The following FUZ variants were observed in gnomAD, a reference collection of about 807,000 sequenced individuals.
The protein encoded by FUZ is protein fuzzy homolog.
Under a neutral mutation model 43.1 loss-of-function variants are expected in FUZ, and 31 were observed. The ratio of observed to expected loss-of-function variants is 0.72; its 90% CI spans 0.54 to 0.97. The LOEUF is 0.97. Ranked by LOEUF, FUZ falls within the 50% of genes least tolerant of loss-of-function variation. The pLI is 0.00. For missense variants in FUZ, 539 were observed against 543.8 expected, an observed-to-expected ratio of 0.99 and a Z score of 0.09; for synonymous variants, 274 against 250.0, an observed-to-expected ratio of 1.10 and a Z score of -0.91.
intron 10 of FUZ, among the ~76,000 whole-genome samples, chr19:49,807,705 G>T (rs942245187): frequency 6.6e-6 from 1 of 152,120 alleles, no homozygotes; most frequent in African/African-American, 2.4e-5. Context: ...GAGCCCACCC[G>T]CCCCACTGTA....
chr19:49,810,594 G>A (rs1432854675), intron 5 of FUZ, among the ~76,000 whole-genome samples: 1 of 148,528 alleles, frequency 6.7e-6, no homozygotes, highest in Non-Finnish European at 1.5e-5. Context: ...CAGGGGAATC[G>A]TTTGAACCCA....
At chr19:49,813,293 A>G, upstream of FUZ, 1 of 695,720 alleles carries the variant, frequency 1.4e-6, no homozygotes, top group East Asian at 2.7e-5. Flanking sequence ...CTATTCAGGC[A>G]CCTCCCCCAA....
chr19:49,808,682 T>A, intron 8 of FUZ, 35 bp downstream of exon 8: 1 of 1,605,900 alleles, frequency 6.2e-7, no homozygotes. Context: ...GAAGAGGACA[T>A]GACCCCCGAC....
chr19:49,812,483 G>C lies in FUZ; in HGVS notation c.233+132C>G, dbSNP rs951719465. On this transcript the variant is annotated intron_variant, in intron 2 of 10. Coordinates refer to ENST00000313777, the MANE Select transcript of FUZ (RefSeq NM_025129.5). ...ATAGAGAACATCAGGGATCAAAGAG[G>C]GTAACTGGCTTGCTAAAGATCCCAT... is the stretch of plus-strand genomic sequence containing the variant. The C allele has an allele frequency of 6.5e-6, 9 of 1,386,308 alleles. No homozygotes were observed. In the East Asian group the frequency reaches 1.8e-4, roughly 28 times the overall value. 85.9% of individuals were successfully genotyped at this position (1,386,308 alleles called of 1,614,324 possible). A position where few individuals can be genotyped will look rare whatever the true frequency, so the allele number is the denominator to read the frequency against.
Position 49,809,541 on chromosome 19 carries a change from G to C in FUZ, c.527C>G (p.Thr176Arg). Reference protein sequence around the residue: ...ALSGFAEAAGTTFVSLVVSGR... With the variant: ...ALSGFAEAAGRTFVSLVVSGR... ...GGACACCACCAGACTGACGAAGGTC[G>C]TGCCCGCGGCCTCAGCGAACCCGGA... Residue 176 changes from threonine to arginine, a missense_variant, in exon 6 of 11, where the codon ACG becomes AGG. Transcript: ENST00000313777. This position sits in a 1 kb window ranked among gnomAD's most constrained non-coding sequence, Gnocchi z 5.1. The C allele has an allele frequency of 6.2e-7, 1 of 1,601,248 alleles. No individual in the cohort carries two copies. Among genetic ancestry groups the C allele is most frequent in the Non-Finnish European group, 8.5e-7 (1 of 1,177,654 alleles).
chr19:49,812,138 C>T lies in FUZ; in HGVS notation c.318+113G>A, dbSNP rs115306785. On this transcript the variant is annotated intron_variant, in intron 3 of 10. Transcript: ENST00000313777. ...AAAACAAACAAACAAACAAAAGATT[C>T]CTGGGTTCTGAGGAAGGAAGTGTTG... The T allele has an allele frequency of 1.2e-3, 956 of 780,072 alleles. 4 individuals carry two copies. The African/African-American group carries it at 0.014, about 11-fold the overall frequency. 48.3% of individuals were successfully genotyped at this position (780,072 alleles called of 1,614,324 possible).
Position 49,806,920 on chromosome 19 carries a change from T to TCTG in FUZ, c.*228_*230dup. 6.5e-7 allele frequency: 1 copy of TCTG among 1,535,666 alleles called. No individual in the cohort carries two copies. The highest frequency in any genetic ancestry group is 8.7e-7 in the Non-Finnish European group (1 of 1,146,962). On this transcript the variant is annotated 3_prime_UTR_variant, in exon 11 of 11. Transcript: ENST00000313777. Reference sequence around the variant, plus strand: ...CCTTTTGTATTTTTATTTTTGTTCATCTGCTGCTGTTTACATTCTGGGGGG... The same window carrying TCTG: ...CCTTTTGTATTTTTATTTTTGTTCATCTGCTGCTGCTGTTTACATTCTGGGGGG...
intron 5 of FUZ, chr19:49,811,092 A>G: frequency 2.0e-6 from 1 of 507,284 alleles, no homozygotes; most frequent in South Asian, 1.8e-5. Flanking sequence ...CGCAGGCTGC[A>G]GTGAGCCGAG....
In FUZ at chr19:49,809,810, G is replaced by A. The variant is rs1447889013; in HGVS notation, c.493-235C>T. On this transcript the variant is annotated intron_variant, in intron 5 of 10. Coordinates refer to ENST00000313777, the MANE Select transcript of FUZ (RefSeq NM_025129.5). This position sits in a 1 kb window ranked among gnomAD's most constrained non-coding sequence, Gnocchi z 5.1. ...ATCTGATTAAACATCTAGCCTGGGC[G>A]GGCAAACTGAAGCTAATAATGTAAC... The A allele has an allele frequency of 1.5e-5, 9 of 593,924 alleles. No individual in the cohort carries two copies. The highest frequency in any genetic ancestry group is 5.8e-5 in the Admixed American group (2 of 34,666). 36.8% of individuals were successfully genotyped at this position (593,924 alleles called of 1,614,324 possible). A position where few individuals can be genotyped will look rare whatever the true frequency, so the allele number is the denominator to read the frequency against.
In FUZ at chr19:49,808,489, C is replaced by G; in HGVS notation, c.959-1G>C. ...CGCCGGCGCTGTTCTGGTGAAGGCT[C>G]TGCTGGGAGGAAAAGGCGGTGATGC... On this transcript the variant is annotated splice_acceptor_variant, in intron 9 of 10. Transcript: ENST00000313777. LOFTEE classifies it high-confidence loss of function. The G allele has an allele frequency of 6.2e-7, 1 of 1,611,256 alleles. No homozygotes were observed. The highest frequency in any genetic ancestry group is 8.5e-7 in the Non-Finnish European group (1 of 1,179,106).
In FUZ at chr19:49,809,128, C is replaced by G; in HGVS notation, c.786+35G>C. 6.5e-7 allele frequency: 1 copy of G among 1,540,126 alleles called. No individual in the cohort carries two copies. The highest frequency in any genetic ancestry group is 8.8e-7 in the Non-Finnish European group (1 of 1,137,676). On this transcript the variant is annotated intron_variant, in intron 7 of 10. Coordinates refer to ENST00000313777, the MANE Select transcript of FUZ (RefSeq NM_025129.5). This position sits in a 1 kb window ranked among gnomAD's most constrained non-coding sequence, Gnocchi z 5.1. ...GAAGGGCCCTCCTGGTAGCGGGTGT[C>G]CTAAGAGCGAAAGCGGGACGTGGCG...
At position 49,811,437 on chromosome 19, in the gene FUZ, C is replaced by G; in HGVS notation, c.418G>C (p.Gly140Arg). ...AGGTCCCCGATGAGCTCCGAGTCCC[C>G]CAGGAAGCTGTCGATGAGGCAATAA... Reference protein sequence around the residue: ...ASYCLIDSFLGDSELIGDLTQ... With the variant: ...ASYCLIDSFLRDSELIGDLTQ... Residue 140 changes from glycine (G) to arginine (R), a missense_variant, in exon 5 of 11, where the codon GGG becomes CGG. By Grantham distance (125) the Gly-to-Arg change is moderately radical (BLOSUM62 -2). Transcript: ENST00000313777. The G allele has an allele frequency of 6.2e-7, 1 of 1,613,972 alleles. No individual in the cohort carries two copies. The highest frequency in any genetic ancestry group is 8.5e-7 in the Non-Finnish European group (1 of 1,179,940).
At chr19:49,812,359 T>C (rs773740112) in intron 2 of FUZ, 24 bp from the exon 3 acceptor site, 1 of 1,598,002 alleles carries the variant, frequency 6.3e-7, no homozygotes, top group South Asian at 1.1e-5. Flanking sequence ...GTGAGAAGAA[T>C]GAGTCAAGGC....
At chr19:49,810,859 A>G (rs1415335000) in intron 5 of FUZ, among the ~76,000 whole-genome samples, 1 of 151,144 alleles carries the variant, frequency 6.6e-6, no homozygotes, top group Non-Finnish European at 1.5e-5. Flanking sequence ...CAGAAAAGAA[A>G]GAAAGATGGC....
At chr19:49,811,841 C>G in intron 3 of FUZ, 142 bp from the exon 4 acceptor site, 1 of 787,376 alleles carries the variant, frequency 1.3e-6, no homozygotes, top group East Asian at 2.5e-5. Flanking sequence ...GGCGCGGAGG[C>G]TCATGCCTGT....
At chr19:49,812,829 T>C in intron 1 of FUZ, 93 bp from the exon 2 acceptor site, 1 of 1,530,090 alleles carries the variant, frequency 6.5e-7, no homozygotes, top group South Asian at 1.1e-5. Flanking sequence ...CCATCCTCTT[T>C]CCATATGACC....
Position 49,812,673 on chromosome 19 carries a change from G to C in FUZ, c.175C>G (p.Gln59Glu), listed in dbSNP as rs2073848936. 1.2e-6 allele frequency: 2 copies of C among 1,613,972 alleles called. No individual in the cohort carries two copies. Among genetic ancestry groups the C allele is most frequent in the African/African-American group, 1.3e-5 (1 of 74,884 alleles). Residue 59 changes from glutamine to glutamate, a missense_variant, in exon 2 of 11, where the codon CAG becomes GAG. Coordinates refer to ENST00000313777, the MANE Select transcript of FUZ (RefSeq NM_025129.5). The part of the protein sequence containing the change: ...VHMFGQNLEV[Q>E]LSSARTENTT... ...TTCTCGGTCCTCGCAGAGCTCAGCT[G>C]CACCTCCAGATTCTGCCCAAACATG... is the stretch of plus-strand genomic sequence containing the variant.
chr19:49,810,873 G>A (rs1188811236), intron 5 of FUZ, among the ~76,000 whole-genome samples: 4 of 152,098 alleles, frequency 2.6e-5, no homozygotes, highest in Non-Finnish European at 4.4e-5. Context: ...AGATGGCCCA[G>A]GCGCAGTGGC....
chr19:49,811,527 G>C, intron 4 of FUZ, 60 bp from the exon 5 acceptor site: 1 of 1,582,630 alleles, frequency 6.3e-7, no homozygotes, highest in Non-Finnish European at 8.7e-7. Flanking sequence ...AGACAACCAA[G>C]AACCTGTGGG....
Sources: allele counts gnomAD v4.1 joint callset (sites outside exome capture counted in the v4.1 genomes callset), GRCh38; gene constraint gnomAD v4.1.1; non-coding constraint Gnocchi (gnomAD v3.1); transcripts MANE v1.5; gene names NCBI Gene and HGNC (gene_info 2026-07-23, HGNC 2026-07-21).